BABAM2: variants seen among roughly 807,000 people sequenced by gnomAD.
BABAM2 encodes the protein BRISC and BRCA1-A complex member 2.
In BABAM2, 31 loss-of-function variants were observed where a neutral mutation model predicts 54.7. The observed-to-expected ratio is 0.57, with a 90% CI of 0.43 to 0.77. The LOEUF (loss-of-function observed/expected upper bound fraction) is 0.77. Among genes scored for constraint, BABAM2 ranks in the 30% least tolerant of loss-of-function variants. The pLI, the probability that BABAM2 is intolerant of heterozygous loss-of-function variation, is 0.00. For missense variants in BABAM2, 364 were observed against 455.8 expected, an observed-to-expected ratio of 0.80 and a Z score of 1.83; for synonymous variants, 167 against 162.9, an observed-to-expected ratio of 1.03 and a Z score of -0.19.
At chr2:27,947,793 G>T (rs1360908552) in intron 3 of BABAM2, among the ~76,000 whole-genome samples, 6 of 152,118 alleles carry the variant, frequency 3.9e-5, no homozygotes, top group Non-Finnish European at 8.8e-5. Flanking sequence ...ATACGATACA[G>T]GTTTTTAAAA....
In BABAM2 at chr2:27,999,436, G is replaced by C. The variant is rs1056468228; in HGVS notation, c.300+11349G>C. Among the ~76,000 whole-genome samples, 3 of 152,162 alleles carry C rather than the reference G, an allele frequency of 2.0e-5. No individual in the cohort carries two copies. The East Asian group carries it at 5.8e-4, about 29-fold the overall frequency. The stretch of plus-strand genomic sequence containing the variant: ...ATGGCATATTGGAAGCACTGAGCAA[G>C]CCAGTTGGCTTGGAGTAGTTTGCAT... On this transcript the variant is annotated intron_variant, in intron 4 of 11. Coordinates refer to ENST00000379624, the MANE Select transcript of BABAM2 (RefSeq NM_199191.3).
chr2:28,112,614 G>A (rs947435535), intron 6 of BABAM2, among the ~76,000 whole-genome samples: 8 of 152,038 alleles, frequency 5.3e-5, no homozygotes, highest in Non-Finnish European at 7.4e-5. Context: ...TCATTGATGG[G>A]CATTTGGGTT....
Position 27,971,222 on chromosome 2 carries a change from T to C in BABAM2, c.206-16771T>C, listed in dbSNP as rs569863973. 1.8e-3 allele frequency among the ~76,000 whole-genome samples: 276 copies of C among 152,224 alleles called. 1 individual carries two copies. The highest frequency in any genetic ancestry group is 6.8e-3 in the Middle Eastern group (2 of 294). On this transcript the variant is annotated intron_variant, in intron 3 of 11. Transcript: ENST00000379624. Reference sequence around the variant, plus strand: ...TCTTGAATCAATACTACAAGCTTTATTGGGGCAGAATCTCCTAACTCTTTT... The same window carrying C: ...TCTTGAATCAATACTACAAGCTTTACTGGGGCAGAATCTCCTAACTCTTTT...
chr2:28,080,079 C>T (rs1665031702), intron 6 of BABAM2, among the ~76,000 whole-genome samples: 1 of 152,102 alleles, frequency 6.6e-6, no homozygotes, highest in South Asian at 2.1e-4. Context: ...TCAGCCACTC[C>T]TTCTATACAA....
intron 7 of BABAM2, among the ~76,000 whole-genome samples, chr2:28,186,495 G>C (rs1345957340): frequency 6.6e-6 from 1 of 152,162 alleles, no homozygotes; most frequent in Admixed American, 6.5e-5. Flanking sequence ...GCTGGGTGTG[G>C]TGGCTCACCC....
At chr2:28,048,577 T>G (rs970018663) in intron 6 of BABAM2, among the ~76,000 whole-genome samples, 1 of 152,174 alleles carries the variant, frequency 6.6e-6, no homozygotes, top group Admixed American at 6.5e-5. Context: ...ATGAGAAATT[T>G]CATACAAATC....
chr2:28,114,176 A>G (rs1452885058), intron 6 of BABAM2, among the ~76,000 whole-genome samples: 1 of 152,196 alleles, frequency 6.6e-6, no homozygotes, highest in Non-Finnish European at 1.5e-5. Flanking sequence ...GGCCAGGGCA[A>G]TCAGGCAAGA....
At chr2:28,100,187 C>A (rs1666957709) in intron 6 of BABAM2, among the ~76,000 whole-genome samples, 1 of 151,986 alleles carries the variant, frequency 6.6e-6, no homozygotes, top group South Asian at 2.1e-4. Flanking sequence ...CAGTGGCTCA[C>A]ACCTGTAGTC....
chr2:27,924,135 G>C (rs1274942330), intron 2 of BABAM2, among the ~76,000 whole-genome samples: 1 of 152,062 alleles, frequency 6.6e-6, no homozygotes, highest in Non-Finnish European at 1.5e-5. Context: ...CTATTTCCAT[G>C]TATTTTTAAA....
intron 10 of BABAM2, among the ~76,000 whole-genome samples, chr2:28,296,003 G>C (rs973500646): frequency 6.6e-6 from 1 of 152,138 alleles, no homozygotes; most frequent in Non-Finnish European, 1.5e-5. Context: ...CGGCTACTTG[G>C]GAGACTGAGG....
intron 2 of BABAM2, among the ~76,000 whole-genome samples, chr2:27,898,392 C>T (rs554833652): frequency 6.6e-6 from 1 of 152,234 alleles, no homozygotes; most frequent in South Asian, 2.1e-4. Context: ...GAAAAGAAGG[C>T]ATTTCAGATG....
At chr2:27,918,760 C>T (rs1453168980) in intron 2 of BABAM2, among the ~76,000 whole-genome samples, 1 of 152,028 alleles carries the variant, frequency 6.6e-6, no homozygotes, top group Non-Finnish European at 1.5e-5. Flanking sequence ...GTGATGATGG[C>T]TCACTGCAGT....
intron 3 of BABAM2, among the ~76,000 whole-genome samples, chr2:27,932,594 C>T (rs1007541302): frequency 3.3e-5 from 5 of 152,154 alleles, no homozygotes; most frequent in Non-Finnish European, 5.9e-5. Flanking sequence ...TAGCTCTCCT[C>T]AAATAGTTTG....
At chr2:28,032,594 A>AT (rs1042962397) in intron 5 of BABAM2, among the ~76,000 whole-genome samples, 2 of 152,132 alleles carry the variant, frequency 1.3e-5, no homozygotes, top group South Asian at 4.2e-4. Context: ...TCTTTTAATG[A>AT]TTTTTAGACA....
At chr2:28,038,161 A>C (rs1200459405) in intron 5 of BABAM2, among the ~76,000 whole-genome samples, 1 of 152,134 alleles carries the variant, frequency 6.6e-6, no homozygotes, top group Non-Finnish European at 1.5e-5. Flanking sequence ...TAACCAGAGA[A>C]AAATTATGCT....
At chr2:28,177,642 A>G (rs1675149981) in intron 7 of BABAM2, among the ~76,000 whole-genome samples, 1 of 152,070 alleles carries the variant, frequency 6.6e-6, no homozygotes, top group Non-Finnish European at 1.5e-5. Context: ...CCTCATATCA[A>G]TAATAATCTT....
At chr2:28,284,550 TCA>T (rs758225364) in intron 10 of BABAM2, among the ~76,000 whole-genome samples, 77 of 151,988 alleles carry the variant, frequency 5.1e-4, no homozygotes, top group Non-Finnish European at 7.8e-4. Context: ...TCCTCTCTGT[TCA>T]GATCTTTTTC....
chr2:28,222,081 G>A (rs768744822), intron 7 of BABAM2, among the ~76,000 whole-genome samples: 7 of 152,148 alleles, frequency 4.6e-5, no homozygotes, highest in Non-Finnish European at 8.8e-5. Flanking sequence ...TCGAATGGCC[G>A]GAAGCTCTGT....
chr2:28,165,879 T>G (rs1295175613), intron 7 of BABAM2, among the ~76,000 whole-genome samples: 1 of 152,150 alleles, frequency 6.6e-6, no homozygotes, highest in Non-Finnish European at 1.5e-5. Context: ...GGAAGTAAAT[T>G]GTGTTTGCTC....
Sources: allele counts gnomAD v4.1 joint callset (sites outside exome capture counted in the v4.1 genomes callset), GRCh38; gene constraint gnomAD v4.1.1; transcripts MANE v1.5; gene names NCBI Gene and HGNC (gene_info 2026-07-23, HGNC 2026-07-21).